Variants in CHRM5 observed in about 807,000 individuals in gnomAD.
CHRM5 encodes cholinergic receptor muscarinic 5.
Under a neutral mutation model 39.0 loss-of-function variants are expected in CHRM5, and 18 were observed. The observed-to-expected ratio is 0.46, with a 90% CI of 0.32 to 0.68. CHRM5 has a LOEUF of 0.68. CHRM5 is among the 30% of genes least tolerant of loss of function. The pLI is 0.04. For missense variants in CHRM5, 515 were observed against 651.1 expected (o/e 0.79, Z 2.28); for synonymous variants, 241 against 246.3 (o/e 0.98, Z 0.20).
chr15:33,994,933 C>G (rs923192485), intron 1 of CHRM5, among the ~76,000 whole-genome samples: 10 of 152,010 alleles, frequency 6.6e-5, no homozygotes, highest in Admixed American at 2.0e-4. Context: ...TAGATTTAAC[C>G]AACCATAGAT....
chr15:34,019,157 C>A (rs994818283), intron 1 of CHRM5, among the ~76,000 whole-genome samples: 1 of 152,236 alleles, frequency 6.6e-6, no homozygotes, highest in Non-Finnish European at 1.5e-5. Context: ...CCCCACTCAA[C>A]CCAGTAAGTC....
intron 2 of CHRM5, among the ~76,000 whole-genome samples, chr15:34,047,083 T>TTTC (rs1899724663): frequency 6.6e-6 from 1 of 151,370 alleles, no homozygotes; most frequent in African/African-American, 2.4e-5. Flanking sequence ...GTTTTTTTTT[T>TTTC]TTTCTTTTTT....
At chr15:34,035,445 C>A (rs1220999169) in intron 1 of CHRM5, among the ~76,000 whole-genome samples, 1 of 152,046 alleles carries the variant, frequency 6.6e-6, no homozygotes, top group Non-Finnish European at 1.5e-5. Context: ...TTTTTCAAAT[C>A]TCAAAGTCAT....
chr15:34,063,936 T>A lies in CHRM5; in HGVS notation c.1219T>A (p.Phe407Ile), dbSNP rs1900438047. ...CAAGGTGAAAATCATGCCCTGCCCC[T>A]TCCCAGTGGCCAAGGAACCTTCAAC... ...CHKVKIMPCP[F>I]PVAKEPSTKG... is the part of the protein sequence containing the mutation. Residue 407 changes from phenylalanine (F) to isoleucine (I), a missense_variant, in exon 3 of 3, where the codon TTC (phenylalanine) becomes ATC (isoleucine). Coordinates refer to ENST00000383263, the MANE Select transcript of CHRM5 (RefSeq NM_012125.4). The surrounding 1 kb of genome is among the most constrained non-coding windows in gnomAD (Gnocchi z 4.1). The A allele has an allele frequency of 1.2e-6, 2 of 1,614,118 alleles. No homozygotes were observed. The highest frequency in any genetic ancestry group is 1.7e-6 in the Non-Finnish European group (2 of 1,180,024).
chr15:34,001,327 T>A (rs1029803258), intron 1 of CHRM5, among the ~76,000 whole-genome samples: 1 of 152,192 alleles, frequency 6.6e-6, no homozygotes, highest in African/African-American at 2.4e-5. Context: ...CAGCCTGGAC[T>A]AGAATTTTTA....
intron 1 of CHRM5, among the ~76,000 whole-genome samples, chr15:33,982,147 A>G (rs56965184): frequency 0.27 from 40,554 of 151,824 alleles, 7,569 homozygotes; most frequent in African/African-American, 0.52. Flanking sequence ...GATTACAGGC[A>G]TGAACCACCA....
At chr15:33,987,506 T>G (rs1416579649) in intron 1 of CHRM5, among the ~76,000 whole-genome samples, 1 of 152,022 alleles carries the variant, frequency 6.6e-6, no homozygotes, top group East Asian at 1.9e-4. Context: ...TACGCTCCAC[T>G]CTCCTCCCCA....
At chr15:33,985,053 C>T (rs1266106380) in intron 1 of CHRM5, among the ~76,000 whole-genome samples, 1 of 152,124 alleles carries the variant, frequency 6.6e-6, no homozygotes, top group Non-Finnish European at 1.5e-5. Context: ...TCCCACAGCA[C>T]TCTGTACCTG....
chr15:34,004,062 T>C (rs1258413490), intron 1 of CHRM5, among the ~76,000 whole-genome samples: 3 of 152,212 alleles, frequency 2.0e-5, no homozygotes, highest in Non-Finnish European at 2.9e-5. Context: ...ACAACTTGCC[T>C]GTGTGATTGT....
chr15:34,050,934 CA>C (rs1899907001), intron 2 of CHRM5, among the ~76,000 whole-genome samples: 1 of 152,156 alleles, frequency 6.6e-6, no homozygotes, highest in Admixed American at 6.5e-5. Flanking sequence ...CTATATTAGA[CA>C]GATCACTGAG....
At chr15:33,998,636 C>G (rs1299228294) in intron 1 of CHRM5, among the ~76,000 whole-genome samples, 1 of 152,166 alleles carries the variant, frequency 6.6e-6, no homozygotes, top group East Asian at 1.9e-4. Flanking sequence ...TGCCACCACT[C>G]CAACAAAACT....
chr15:34,038,871 A>C, intron 1 of CHRM5: 3 of 1,148,302 alleles, frequency 2.6e-6, no homozygotes, highest in Non-Finnish European at 3.2e-6. Context: ...AGCGCCGCGG[A>C]AGCCCCGGCC....
intron 2 of CHRM5, among the ~76,000 whole-genome samples, chr15:34,050,238 C>T (rs1345002842): frequency 6.6e-6 from 1 of 152,070 alleles, no homozygotes; most frequent in Admixed American, 6.6e-5. Context: ...AGATCCAGCC[C>T]AACTAAGCTT....
intron 1 of CHRM5, among the ~76,000 whole-genome samples, chr15:34,030,622 C>T (rs138640913): frequency 1.3e-5 from 2 of 151,822 alleles, no homozygotes; most frequent in South Asian, 4.2e-4. Flanking sequence ...GCCACCACGC[C>T]CAGCCTGGTT....
intron 1 of CHRM5, among the ~76,000 whole-genome samples, chr15:34,012,298 G>A (rs1376975135): frequency 1.3e-5 from 2 of 152,134 alleles, no homozygotes; most frequent in African/African-American, 4.8e-5. Flanking sequence ...AATAAGTAGT[G>A]ACACAACTAG....
In CHRM5 at chr15:34,064,002, C is replaced by G. The variant is rs772971999; in HGVS notation, c.1285C>G (p.Arg429Gly). 3 of 1,614,176 alleles carry G rather than the reference C, an allele frequency of 1.9e-6. No individual in the cohort carries two copies. The highest frequency in any genetic ancestry group is 2.5e-6 in the Non-Finnish European group (3 of 1,180,030). The change falls in exon 3 of 3, where the codon CGA becomes GGA. Residue 429 changes from arginine to glycine, a missense_variant. Coordinates refer to ENST00000383263, the MANE Select transcript of CHRM5 (RefSeq NM_012125.4). ...NPNPSHQMTK[R>G]KRVVLVKERK... The stretch of plus-strand genomic sequence containing the variant: ...CAACCCCAGCCATCAAATGACCAAA[C>G]GAAAGAGAGTGGTCCTAGTCAAAGA...
chr15:33,986,941 G>A (rs1896502827), intron 1 of CHRM5, among the ~76,000 whole-genome samples: 1 of 152,222 alleles, frequency 6.6e-6, no homozygotes, highest in Non-Finnish European at 1.5e-5. Context: ...ACAGGCATGA[G>A]CCACCGCGCC....
chr15:33,995,119 C>T (rs1896880856), intron 1 of CHRM5, among the ~76,000 whole-genome samples: 1 of 151,986 alleles, frequency 6.6e-6, no homozygotes. Context: ...AGAAATCAGC[C>T]AGGTGTGGGT....
At position 34,036,566 on chromosome 15, in the gene CHRM5, C is replaced by T. The variant is rs1027595137; in HGVS notation, c.-407-9974C>T. ...AATGGTTAAGCACCAAAAATGGTGT[C>T]CTAGCAAGACTAAATACAAACAGTA... On this transcript the variant is annotated intron_variant, in intron 1 of 2. Coordinates refer to ENST00000383263, the MANE Select transcript of CHRM5 (RefSeq NM_012125.4). Among the ~76,000 whole-genome samples, 10 of 152,160 alleles carry T rather than the reference C, an allele frequency of 6.6e-5. No individual in the cohort carries two copies. The South Asian group carries it at 1.0e-3, about 16-fold the overall frequency.
Sources: allele counts gnomAD v4.1 joint callset (sites outside exome capture counted in the v4.1 genomes callset), GRCh38; gene constraint gnomAD v4.1.1; non-coding constraint Gnocchi (gnomAD v3.1); transcripts MANE v1.5; gene names NCBI Gene and HGNC (gene_info 2026-07-23, HGNC 2026-07-21).